DSCAM: variants seen among roughly 807,000 people sequenced by gnomAD.
The protein encoded by DSCAM is DS cell adhesion molecule, also known as cell adhesion molecule DSCAM.
In DSCAM, 47 loss-of-function variants were observed where a neutral mutation model predicts 217.7. The ratio of observed to expected loss-of-function variants is 0.22; its 90% CI spans 0.17 to 0.28. The LOEUF is 0.28. Among genes scored for constraint, DSCAM ranks in the 10% least tolerant of loss-of-function variants. DSCAM has a pLI of 1.00. For missense variants in DSCAM, 2,080 were observed against 2,618.3 expected (o/e 0.79, Z 4.49); for synonymous variants, 1,056 against 1,015.3 (o/e 1.04, Z -0.76).
chr21:40,772,301 T>C (rs1413097115), intron 1 of DSCAM, among the ~76,000 whole-genome samples: 2 of 152,166 alleles, frequency 1.3e-5, no homozygotes, highest in Non-Finnish European at 2.9e-5. Flanking sequence ...CCTGAGTAGC[T>C]GGGATTACAG....
At chr21:40,585,179 C>CTTTCTTTTTTTTTTTT (rs371140909) in intron 3 of DSCAM, among the ~76,000 whole-genome samples, 1 of 145,916 alleles carries the variant, frequency 6.9e-6, no homozygotes, top group African/African-American at 2.5e-5. Context: ...AAATCAACTT[C>CTTTCTTTTTTTTTTTT]TTTTTTTTTT....
At chr21:40,464,743 CTTTT>C (rs931964730) in intron 3 of DSCAM, among the ~76,000 whole-genome samples, 1 of 141,224 alleles carries the variant, frequency 7.1e-6, no homozygotes, top group Non-Finnish European at 1.5e-5. Context: ...CCAGAACCAT[CTTTT>C]TTTTTTTTTT....
chr21:40,325,389 C>T (rs1481097944), intron 8 of DSCAM, among the ~76,000 whole-genome samples: 1 of 151,868 alleles, frequency 6.6e-6, no homozygotes, highest in Non-Finnish European at 1.5e-5. Context: ...GGGTTGAAGG[C>T]CTAAATGCAA....
intron 3 of DSCAM, among the ~76,000 whole-genome samples, chr21:40,396,325 C>G (rs1205875830): frequency 2.0e-5 from 3 of 152,146 alleles, no homozygotes; most frequent in Admixed American, 1.3e-4. Context: ...CACCATCACG[C>G]CAACTTCTGA....
chr21:40,383,789 G>T (rs2075051812), intron 3 of DSCAM: 2 of 152,066 alleles, frequency 1.3e-5, no homozygotes, highest in African/African-American at 4.8e-5. Context: ...TTTAAAAGTA[G>T]TAATGCATTT....
At chr21:40,262,647 G>A (rs1384171842) in intron 11 of DSCAM, among the ~76,000 whole-genome samples, 1 of 152,060 alleles carries the variant, frequency 6.6e-6, no homozygotes, top group African/African-American at 2.4e-5. Context: ...CTCTTATGAA[G>A]GCATCTCATT....
chr21:40,749,166 G>A (rs978673326), intron 1 of DSCAM, among the ~76,000 whole-genome samples: 3 of 152,166 alleles, frequency 2.0e-5, no homozygotes, highest in African/African-American at 7.2e-5. Flanking sequence ...AATGGAGCAA[G>A]GATTCTTTAA....
chr21:40,700,946 G>A (rs922762109), intron 2 of DSCAM, among the ~76,000 whole-genome samples: 9 of 151,856 alleles, frequency 5.9e-5, no homozygotes, highest in Admixed American at 1.3e-4. Context: ...CATGTTGGCC[G>A]GGCTGGTCTT....
chr21:40,747,370 A>T (rs2091185703), intron 1 of DSCAM, among the ~76,000 whole-genome samples: 1 of 151,732 alleles, frequency 6.6e-6, no homozygotes, highest in African/African-American at 2.4e-5. Flanking sequence ...ATGAAAAAGG[A>T]AACATTAAAA....
intron 1 of DSCAM, among the ~76,000 whole-genome samples, chr21:40,720,445 G>T (rs945516226): frequency 1.3e-5 from 2 of 152,160 alleles, no homozygotes; most frequent in African/African-American, 4.8e-5. Flanking sequence ...CTTCTATGAA[G>T]TGATTCCAAG....
At chr21:40,393,292 C>T (rs958587879) in intron 3 of DSCAM, among the ~76,000 whole-genome samples, 3 of 152,158 alleles carry the variant, frequency 2.0e-5, no homozygotes, top group South Asian at 4.1e-4. Flanking sequence ...ACCTCTGATG[C>T]GGAGCAGCAC....
intron 3 of DSCAM, among the ~76,000 whole-genome samples, chr21:40,500,274 T>C (rs1439058012): frequency 6.6e-6 from 1 of 152,244 alleles, no homozygotes; most frequent in Non-Finnish European, 1.5e-5. Flanking sequence ...TAAATACATA[T>C]ATTTCATAAA....
intron 24 of DSCAM, among the ~76,000 whole-genome samples, chr21:40,082,155 C>A (rs2089471406): frequency 6.6e-6 from 1 of 152,116 alleles, no homozygotes; most frequent in Non-Finnish European, 1.5e-5. Flanking sequence ...CCCAGCTGTC[C>A]AGAATCATTT....
intron 12 of DSCAM, 135 bp downstream of exon 12, chr21:40,188,907 A>T: frequency 1.2e-6 from 1 of 857,840 alleles, no homozygotes; most frequent in Non-Finnish European, 1.8e-6. Flanking sequence ...GCTGTGTGAA[A>T]GGGGAGAGAA....
chr21:40,558,439 C>T (rs940586785), intron 3 of DSCAM, among the ~76,000 whole-genome samples: 9 of 141,088 alleles, frequency 6.4e-5, no homozygotes, highest in Non-Finnish European at 1.4e-4. Context: ...CAGAGCAAGA[C>T]TCCATCTCAA....
intron 9 of DSCAM, among the ~76,000 whole-genome samples, chr21:40,303,814 T>C (rs185371514): frequency 8.8e-4 from 134 of 152,300 alleles, no homozygotes; most frequent in African/African-American, 3.0e-3. Flanking sequence ...TTTTAGCCAA[T>C]GTGCTTGTTT....
rs1022039733 is a variant in DSCAM, at chr21:40,620,416, G to T, written c.508+72394C>A. 1.6e-4 allele frequency among the ~76,000 whole-genome samples: 23 copies of T among 143,566 alleles called. 1 individual carries two copies. The highest frequency in any genetic ancestry group is 5.4e-4 in the African/African-American group (21 of 38,950). The allele number at this position is 143,566 out of a possible 152,430, so 94.2% of individuals were successfully genotyped here. On this transcript the variant is annotated intron_variant, in intron 3 of 32. Coordinates refer to ENST00000400454, the MANE Select transcript of DSCAM (RefSeq NM_001389.5). ...AGAAAGAAAGAAAGGAGGGAGGGAGGGAGAGAAGAGGGAGGGGGAAGGGAG... is the reference window on the plus strand; with the variant it reads ...AGAAAGAAAGAAAGGAGGGAGGGAGTGAGAGAAGAGGGAGGGGGAAGGGAG...
chr21:40,581,454 G>T (rs929916483), intron 3 of DSCAM, among the ~76,000 whole-genome samples: 14 of 152,286 alleles, frequency 9.2e-5, no homozygotes, highest in Admixed American at 3.3e-4. Context: ...GCAGAGCCAG[G>T]TTTGCTTAGC....
chr21:40,475,866 A>C (rs905882819), intron 3 of DSCAM, among the ~76,000 whole-genome samples: 2 of 152,134 alleles, frequency 1.3e-5, no homozygotes, highest in African/African-American at 2.4e-5. Flanking sequence ...TTAAAAAAAA[A>C]CACATCAGCC....
Sources: gnomAD v4.1 joint callset for allele counts (sites outside exome capture counted in the v4.1 genomes callset) on GRCh38, gnomAD v4.1.1 for gene constraint, MANE v1.5 for transcripts, NCBI Gene and HGNC (gene_info 2026-07-23, HGNC 2026-07-21) for gene names.